Variants in TSPAN15 observed in about 807,000 individuals in gnomAD.
TSPAN15 encodes tetraspanin 15.
Under a neutral mutation model 34.5 loss-of-function variants are expected in TSPAN15, and 20 were observed. The observed-to-expected ratio is 0.58, with a 90% CI of 0.41 to 0.84. The LOEUF (loss-of-function observed/expected upper bound fraction) is 0.84, where lower values mean the gene tolerates loss of function less well. TSPAN15 is among the 40% of genes least tolerant of loss of function. The pLI, the probability that TSPAN15 is intolerant of heterozygous loss-of-function variation, is 0.00. For missense variants in TSPAN15, 313 were observed against 386.1 expected (o/e 0.81, Z 1.59); for synonymous variants, 155 against 153.9 (o/e 1.01, Z -0.05).
At chr10:69,549,008 T>C in the TSPAN15 span, among the ~76,000 whole-genome samples, 6 of 113,438 alleles carry the variant, frequency 5.3e-5, no homozygotes, top group African/African-American at 1.6e-4. Context: ...ATTATAGTTG[T>C]CTTTTAATGG....
the TSPAN15 span, among the ~76,000 whole-genome samples, chr10:69,522,726 T>C: frequency 6.8e-6 from 1 of 147,734 alleles, no homozygotes; most frequent in Non-Finnish European, 1.5e-5. Flanking sequence ...GAGACCCTAA[T>C]GCCTGTTTCA....
chr10:69,508,468 A>AAAAAAAAAG (rs1554835861), downstream of TSPAN15, among the ~76,000 whole-genome samples: 67 of 139,240 alleles, frequency 4.8e-4, 1 homozygote, highest in Non-Finnish European at 8.2e-4. Context: ...AAAAAAAAAA[A>AAAAAAAAAG]AAGAAGAAGA....
At chr10:69,495,763 G>C in intron 4 of TSPAN15, 74 bp downstream of exon 4, 1 of 1,064,262 alleles carries the variant, frequency 9.4e-7, no homozygotes, top group South Asian at 1.3e-5. Flanking sequence ...TGCTCAAGAA[G>C]ATGGGGTGAG....
the TSPAN15 span, among the ~76,000 whole-genome samples, chr10:69,548,680 A>T: frequency 6.6e-6 from 1 of 152,090 alleles, no homozygotes; most frequent in Non-Finnish European, 1.5e-5. Context: ...TAGTGGAAAG[A>T]TTTTTACAGA....
the TSPAN15 span, among the ~76,000 whole-genome samples, chr10:69,546,000 C>CA: frequency 0.089 from 13,561 of 151,670 alleles, 633 homozygotes; most frequent in East Asian, 0.15. Flanking sequence ...AACAAACAAA[C>CA]AAAAAAACCA....
the TSPAN15 span, among the ~76,000 whole-genome samples, chr10:69,545,190 C>T: frequency 7.2e-5 from 11 of 152,186 alleles, no homozygotes; most frequent in Admixed American, 3.3e-4. Flanking sequence ...CCTTTACCCC[C>T]GGGAGATTCA....
At chr10:69,499,637 C>T (rs1842161460) in intron 5 of TSPAN15, among the ~76,000 whole-genome samples, 1 of 152,164 alleles carries the variant, frequency 6.6e-6, no homozygotes, top group African/African-American at 2.4e-5. Flanking sequence ...TCTCTGCCCG[C>T]AAGGAGGTGA....
chr10:69,454,010 G>C (rs1841029722), intron 1 of TSPAN15, among the ~76,000 whole-genome samples: 1 of 152,342 alleles, frequency 6.6e-6, no homozygotes, highest in South Asian at 2.1e-4. Flanking sequence ...TAAGTAATCT[G>C]TCCTGGACCA....
In TSPAN15 at chr10:69,454,022, G is replaced by T. The variant is rs144213349; in HGVS notation, c.96+2332G>T. 1.8e-4 allele frequency among the ~76,000 whole-genome samples: 28 copies of T among 152,330 alleles called. No homozygotes were observed. The East Asian group carries it at 5.0e-3, about 27-fold the overall frequency. ...GAGTAAGTAATCTGTCCTGGACCAG[G>T]TTTACTGTTATTTGGAAACCATTTA... On this transcript the variant is annotated intron_variant, in intron 1 of 7. Transcript: ENST00000373290.
intron 5 of TSPAN15, 24 bp downstream of exon 5, chr10:69,498,420 T>TG: frequency 1.3e-6 from 2 of 1,598,562 alleles, no homozygotes; most frequent in Non-Finnish European, 1.7e-6. Context: ...CTGTGGGGAC[T>TG]GGGGGGCTGT....
intron 3 of TSPAN15, among the ~76,000 whole-genome samples, chr10:69,485,634 T>C (rs1028565982): frequency 2.0e-5 from 3 of 149,332 alleles, no homozygotes; most frequent in African/African-American, 7.4e-5. Context: ...GAGCTTGGAG[T>C]TTTTTCTAGA....
chr10:69,525,643 A>C, the TSPAN15 span, among the ~76,000 whole-genome samples: 3 of 147,058 alleles, frequency 2.0e-5, no homozygotes, highest in East Asian at 7.6e-4. Context: ...CAACATGGGG[A>C]AACCCCGTCT....
chr10:69,471,558 TCA>T, intron 1 of TSPAN15, among the ~76,000 whole-genome samples: 7 of 151,980 alleles, frequency 4.6e-5, no homozygotes, highest in African/African-American at 1.7e-4. Flanking sequence ...TCTTTCTCTC[TCA>T]CTCTCCCCTT....
At chr10:69,498,431 C>G (rs367997491) in intron 5 of TSPAN15, 35 bp downstream of exon 5, 1 of 1,546,072 alleles carries the variant, frequency 6.5e-7, no homozygotes, top group Non-Finnish European at 8.9e-7. Flanking sequence ...GGGGGGCTGT[C>G]GGGGACCCCA....
At chr10:69,533,680 A>G in the TSPAN15 span, among the ~76,000 whole-genome samples, 73 of 152,316 alleles carry the variant, frequency 4.8e-4, no homozygotes, top group African/African-American at 1.6e-3. Context: ...AAAAATATAG[A>G]AAAAAGAAAA....
At chr10:69,455,637 CTCTT>C (rs1841089522) in intron 1 of TSPAN15, among the ~76,000 whole-genome samples, 1 of 106,246 alleles carries the variant, frequency 9.4e-6, no homozygotes, top group Admixed American at 1.1e-4. Flanking sequence ...CCCCCCCCGT[CTCTT>C]TCTTTCTTCC....
At chr10:69,542,529 G>T in the TSPAN15 span, among the ~76,000 whole-genome samples, 1 of 152,210 alleles carries the variant, frequency 6.6e-6, no homozygotes, top group African/African-American at 2.4e-5. Flanking sequence ...ATTTATGAAG[G>T]AAAGAGGTTT....
chr10:69,537,994 G>A, the TSPAN15 span, among the ~76,000 whole-genome samples: 2 of 152,220 alleles, frequency 1.3e-5, no homozygotes, highest in South Asian at 2.1e-4. Context: ...ATGGCCCTTA[G>A]GGCAGTTGCA....
chr10:69,539,563 G>GAGAAGGAGAAGGAGAAGAAGA, the TSPAN15 span, among the ~76,000 whole-genome samples: 39 of 101,434 alleles, frequency 3.8e-4, 1 homozygote, highest in African/African-American at 1.2e-3. Flanking sequence ...GAAGGAGAAG[G>GAGAAGGAGAAGGAGAAGAAGA]AGAAGAAGAC....
Sources: gnomAD v4.1 joint callset for allele counts (sites outside exome capture counted in the v4.1 genomes callset) on GRCh38, gnomAD v4.1.1 for gene constraint, MANE v1.5 for transcripts, NCBI Gene and HGNC (gene_info 2026-07-23, HGNC 2026-07-21) for gene names.